The following RARB variants were observed in gnomAD, a reference collection of about 807,000 sequenced individuals.
RARB encodes retinoic acid receptor beta.
Under a neutral mutation model 51.9 loss-of-function variants are expected in RARB, and 17 were observed. The ratio of observed to expected loss-of-function variants is 0.33; its 90% CI spans 0.22 to 0.49. The LOEUF (loss-of-function observed/expected upper bound fraction) is 0.49. Among genes scored for constraint, RARB ranks in the 20% least tolerant of loss-of-function variants. RARB has a pLI of 0.99. For missense variants in RARB, 369 were observed against 550.8 expected (o/e 0.67, Z 3.30); for synonymous variants, 215 against 195.4 (o/e 1.10, Z -0.84).
At chr3:25,131,314 C>A (rs141320446) in intron 3 of RARB, among the ~76,000 whole-genome samples, 2 of 152,022 alleles carry the variant, frequency 1.3e-5, no homozygotes, top group Non-Finnish European at 2.9e-5. Context: ...TGGAGTCATT[C>A]GCTCTTTAAC....
At chr3:25,186,427 A>T (rs1700975378) in intron 5 of RARB, among the ~76,000 whole-genome samples, 1 of 152,126 alleles carries the variant, frequency 6.6e-6, no homozygotes, top group South Asian at 2.1e-4. Flanking sequence ...GATTTCAACC[A>T]AACAATTTTA....
intron 3 of RARB, among the ~76,000 whole-genome samples, chr3:25,090,321 A>G (rs912192423): frequency 6.6e-6 from 1 of 152,120 alleles, no homozygotes; most frequent in East Asian, 1.9e-4. Flanking sequence ...AAGCCTCTCT[A>G]TGCTTCTGGT....
intron 4 of RARB, 56 bp from the exon 5 acceptor site, chr3:25,580,490 C>T (rs1701128484): frequency 2.1e-6 from 3 of 1,416,510 alleles, no homozygotes; most frequent in Non-Finnish European, 2.9e-6. Context: ...TGAATTTCTC[C>T]CCTCCTATAG....
chr3:25,360,266 A>C (rs1705888383), intron 5 of RARB, among the ~76,000 whole-genome samples: 1 of 152,042 alleles, frequency 6.6e-6, no homozygotes, highest in Non-Finnish European at 1.5e-5. Context: ...TGTTGGTTTA[A>C]AGTCTGTTTT....
intron 5 of RARB, among the ~76,000 whole-genome samples, chr3:25,210,462 C>G (rs1307985776): frequency 6.7e-6 from 1 of 149,684 alleles, no homozygotes; most frequent in Non-Finnish European, 1.5e-5. Context: ...TGGGTGTTTT[C>G]TCACCACAGG....
chr3:24,896,330 G>C (rs755260537), intron 2 of RARB, among the ~76,000 whole-genome samples: 10 of 152,218 alleles, frequency 6.6e-5, no homozygotes, highest in Non-Finnish European at 1.3e-4. Context: ...CGTGATCTCG[G>C]CTCACTGCAA....
chr3:25,063,363 G>A (rs564730079), intron 3 of RARB, among the ~76,000 whole-genome samples: 47 of 152,116 alleles, frequency 3.1e-4, no homozygotes, highest in Non-Finnish European at 5.9e-4. Flanking sequence ...TCAGATTTGA[G>A]ACTCAGAGCT....
chr3:25,086,846 T>A (rs558795665), intron 3 of RARB, among the ~76,000 whole-genome samples: 3 of 152,138 alleles, frequency 2.0e-5, no homozygotes, highest in Admixed American at 6.6e-5. Flanking sequence ...AAGGTTCTTA[T>A]TATGCAGATA....
intron 2 of RARB, among the ~76,000 whole-genome samples, chr3:25,017,255 T>A: frequency 7.2e-6 from 1 of 139,830 alleles, no homozygotes; most frequent in Admixed American, 7.3e-5. Context: ...CTCTAAGAAG[T>A]GAACTCGATT....
intron 2 of RARB, among the ~76,000 whole-genome samples, chr3:25,054,246 G>GT (rs148848590): frequency 2.0e-5 from 3 of 152,216 alleles, no homozygotes; most frequent in East Asian, 1.9e-4. Context: ...TCATTCAGAT[G>GT]TTTTTTTGAC....
chr3:25,038,375 A>G (rs986903388), intron 2 of RARB, among the ~76,000 whole-genome samples: 6 of 127,556 alleles, frequency 4.7e-5, no homozygotes, highest in African/African-American at 1.7e-4. Flanking sequence ...AACTGGGAGG[A>G]GCAGTAAAGT....
chr3:25,276,776 G>T (rs1703391371), intron 5 of RARB, among the ~76,000 whole-genome samples: 1 of 152,178 alleles, frequency 6.6e-6, no homozygotes, highest in South Asian at 2.1e-4. Flanking sequence ...AAACCCAATG[G>T]CTGTGTGAAG....
At chr3:24,889,747 A>G (rs1703341678) in intron 2 of RARB, among the ~76,000 whole-genome samples, 1 of 149,340 alleles carries the variant, frequency 6.7e-6, no homozygotes. Context: ...ACAAATTCTA[A>G]TTTTTAAAGT....
At chr3:24,863,619 C>T (rs371856647) in intron 2 of RARB, among the ~76,000 whole-genome samples, 2 of 151,820 alleles carry the variant, frequency 1.3e-5, no homozygotes, top group African/African-American at 4.8e-5. Context: ...GTACGCCTGG[C>T]CTGTTCATAA....
chr3:25,281,658 G>A (rs1703526112), intron 5 of RARB, among the ~76,000 whole-genome samples: 1 of 152,206 alleles, frequency 6.6e-6, no homozygotes, highest in African/African-American at 2.4e-5. Flanking sequence ...TAGGCGTTGG[G>A]TGGTTGCCAG....
rs775672437 is a variant in RARB at position 25,096,465 on chromosome 3, C to A, written c.-327-35696C>A. ...TTATTTGACAGTAGTCATTAGTCAC[C>A]AATTCTAAGATGCCTTATACACAAA... On this transcript the variant is annotated intron_variant, in intron 3 of 11. Coordinates refer to the RARB transcript ENST00000383772. 8.0e-4 allele frequency among the ~76,000 whole-genome samples: 121 copies of A among 152,084 alleles called. 2 individuals are homozygous for A. The highest frequency in any genetic ancestry group is 2.4e-4 in the Non-Finnish European group (16 of 67,992).
chr3:25,503,264 A>G (rs1032634839), intron 3 of RARB, among the ~76,000 whole-genome samples: 12 of 152,208 alleles, frequency 7.9e-5, no homozygotes, highest in African/African-American at 2.7e-4. Context: ...GATTATTCCT[A>G]TGTGTGAGAT....
intron 3 of RARB, among the ~76,000 whole-genome samples, chr3:25,062,512 C>G (rs543601705): frequency 6.6e-6 from 1 of 152,028 alleles, no homozygotes; most frequent in Admixed American, 6.6e-5. Context: ...TCACATGATA[C>G]ATGTTCAAAA....
At chr3:24,962,252 A>G (rs753077070) in intron 2 of RARB, among the ~76,000 whole-genome samples, 8 of 152,102 alleles carry the variant, frequency 5.3e-5, no homozygotes, top group Non-Finnish European at 7.4e-5. Context: ...TTTAAAGAAT[A>G]TCCTTTGAAA....
Sources: gnomAD v4.1 joint callset for allele counts (sites outside exome capture counted in the v4.1 genomes callset) on GRCh38, gnomAD v4.1.1 for gene constraint, MANE v1.5 for transcripts, NCBI Gene and HGNC (gene_info 2026-07-23, HGNC 2026-07-21) for gene names.